LIN52: variants seen among roughly 807,000 people sequenced by gnomAD.
LIN52 encodes the protein lin-52 DREAM MuvB core complex component.
Under a neutral mutation model 18.5 loss-of-function variants are expected in LIN52, and 4 were observed. The ratio of observed to expected loss-of-function variants is 0.22; its 90% CI spans 0.11 to 0.49. The LOEUF (loss-of-function observed/expected upper bound fraction) is 0.49, where lower values mean the gene tolerates loss of function less well. Ranked by LOEUF, LIN52 falls within the 20% of genes least tolerant of loss-of-function variation. The probability of loss-of-function intolerance (pLI) is 0.97; values close to 1 mark genes in which losing one functional copy is unlikely to be tolerated. For missense variants in LIN52, 102 were observed against 139.5 expected (o/e 0.73, Z 1.35); for synonymous variants, 34 against 45.5 (o/e 0.75, Z 1.02).
intron 5 of LIN52, among the ~76,000 whole-genome samples, chr14:74,126,590 T>C (rs1321856973): frequency 3.3e-5 from 5 of 152,198 alleles, no homozygotes; most frequent in African/African-American, 9.7e-5. Flanking sequence ...AACATATAAA[T>C]AAATCTTCAA....
Position 74,128,080 on chromosome 14 carries a change from A to G in LIN52, c.283+26842A>G, listed in dbSNP as rs535790735. ...TTTTTTTAAATGGAAAATATATGAA[A>G]TAATGATTTTCAGGATGCTGGACAT... On this transcript the variant is annotated intron_variant, in intron 5 of 5. Transcript: ENST00000555028. Among the ~76,000 whole-genome samples the G allele has an allele frequency of 4.5e-4, 69 of 152,334 alleles. 1 individual carries two copies. The highest frequency in any genetic ancestry group is 1.6e-3 in the African/African-American group (66 of 41,578).
At chr14:74,088,909 G>T (rs954208011) in intron 1 of LIN52, among the ~76,000 whole-genome samples, 6 of 152,322 alleles carry the variant, frequency 3.9e-5, no homozygotes, top group African/African-American at 1.4e-4. Flanking sequence ...GAAGAGAAAT[G>T]ATGTCAAAGA....
intron 5 of LIN52, among the ~76,000 whole-genome samples, chr14:74,156,398 C>T (rs1205129701): frequency 1.3e-5 from 2 of 152,160 alleles, no homozygotes; most frequent in Admixed American, 1.3e-4. Context: ...ATAAATTGAG[C>T]ATCTGTTAGG....
chr14:74,096,748 T>C (rs2060816344), intron 3 of LIN52, among the ~76,000 whole-genome samples: 1 of 151,922 alleles, frequency 6.6e-6, no homozygotes, highest in African/African-American at 2.4e-5. Flanking sequence ...AAGAAAAAAA[T>C]TAATTAAATA....
chr14:74,184,751 G>T (rs1201362980), intron 5 of LIN52, among the ~76,000 whole-genome samples: 1 of 152,148 alleles, frequency 6.6e-6, no homozygotes, highest in African/African-American at 2.4e-5. Flanking sequence ...TCAATTTTCA[G>T]AATGAGTTGA....
At chr14:74,113,396 A>C (rs770616635) in intron 5 of LIN52, among the ~76,000 whole-genome samples, 1 of 152,196 alleles carries the variant, frequency 6.6e-6, no homozygotes, top group Non-Finnish European at 1.5e-5. Flanking sequence ...TGTCTCAAAA[A>C]AAAGGAAGGA....
chr14:74,188,166 TA>T, intron 5 of LIN52, among the ~76,000 whole-genome samples: 1 of 152,176 alleles, frequency 6.6e-6, no homozygotes, highest in East Asian at 1.9e-4. Context: ...TAGCTGCAGT[TA>T]AAACCCAGAT....
chr14:74,114,142 G>T, intron 5 of LIN52: 1 of 983,216 alleles, frequency 1.0e-6, no homozygotes, highest in African/African-American at 1.8e-5. Context: ...CACAGCGCCC[G>T]GCCAGAAATG....
At chr14:74,104,895 T>A (rs1247577967) in intron 5 of LIN52, among the ~76,000 whole-genome samples, 1 of 152,190 alleles carries the variant, frequency 6.6e-6, no homozygotes, top group Non-Finnish European at 1.5e-5. Context: ...ATCAGTCTTA[T>A]ACCTAGAGTA....
intron 5 of LIN52, among the ~76,000 whole-genome samples, chr14:74,156,289 C>T (rs1347760457): frequency 2.6e-5 from 4 of 152,194 alleles, no homozygotes; most frequent in South Asian, 4.2e-4. Flanking sequence ...TATGTTGATG[C>T]GAATGCCCAG....
intron 5 of LIN52, among the ~76,000 whole-genome samples, chr14:74,113,079 T>C (rs1209699509): frequency 6.6e-6 from 1 of 152,106 alleles, no homozygotes; most frequent in Non-Finnish European, 1.5e-5. Context: ...TATGGTAATA[T>C]TTGCAATTTC....
chr14:74,134,588 T>C (rs2061087100), intron 5 of LIN52, among the ~76,000 whole-genome samples: 1 of 152,224 alleles, frequency 6.6e-6, no homozygotes, highest in African/African-American at 2.4e-5. Flanking sequence ...TGACTTCCCT[T>C]TCCTATCACT....
At chr14:74,090,121 C>T (rs904258991) in intron 1 of LIN52, among the ~76,000 whole-genome samples, 14 of 148,646 alleles carry the variant, frequency 9.4e-5, no homozygotes, top group Non-Finnish European at 1.5e-4. Context: ...CAGGTTCAAA[C>T]GATTCTCCTG....
intron 5 of LIN52, among the ~76,000 whole-genome samples, chr14:74,172,962 T>C (rs1228312729): frequency 6.6e-6 from 1 of 152,108 alleles, no homozygotes; most frequent in Admixed American, 6.6e-5. Flanking sequence ...TGTATAAAAT[T>C]GTATCCAATA....
At chr14:74,147,190 G>A (rs115980162) in intron 5 of LIN52, among the ~76,000 whole-genome samples, 2,792 of 152,170 alleles carry the variant, frequency 0.018, 71 homozygotes, top group African/African-American at 0.062. Flanking sequence ...TGCCTGAGGC[G>A]AAGGTTGCAG....
chr14:74,184,274 T>C (rs1048467419), intron 5 of LIN52, among the ~76,000 whole-genome samples: 1 of 152,208 alleles, frequency 6.6e-6, no homozygotes, highest in Non-Finnish European at 1.5e-5. Context: ...GGAGATGGGA[T>C]TTCTCCATGT....
At chr14:74,092,920 A>C (rs1380364909) in intron 2 of LIN52, among the ~76,000 whole-genome samples, 1 of 151,776 alleles carries the variant, frequency 6.6e-6, no homozygotes, top group African/African-American at 2.4e-5. Context: ...CTTTCTCAAA[A>C]AAATCCCCCA....
chr14:74,158,123 A>T (rs59569742), intron 5 of LIN52, among the ~76,000 whole-genome samples: 116,967 of 147,310 alleles, frequency 0.79, 47,277 homozygotes, highest in African/African-American at 0.87. Context: ...ATATATATAT[A>T]TATTTTTTTG....
chr14:74,173,257 A>G (rs1208061325), intron 5 of LIN52, among the ~76,000 whole-genome samples: 1 of 152,200 alleles, frequency 6.6e-6, no homozygotes, highest in South Asian at 2.1e-4. Context: ...GCATGATCTC[A>G]GCTCGCCGCA....
Sources: allele counts gnomAD v4.1 joint callset (sites outside exome capture counted in the v4.1 genomes callset), GRCh38; gene constraint gnomAD v4.1.1; transcripts MANE v1.5; gene names NCBI Gene and HGNC (gene_info 2026-07-23, HGNC 2026-07-21).